The following LRRTM4 variants were observed in gnomAD, a reference collection of about 807,000 sequenced individuals.
LRRTM4 encodes the protein leucine rich repeat transmembrane neuronal 4.
LRRTM4 carries 25 observed loss-of-function variants against 47.6 expected under a neutral mutation model. That is an observed-to-expected ratio of 0.53 (90% confidence interval 0.38 to 0.73). LRRTM4 has a LOEUF of 0.73. Ranked by LOEUF, LRRTM4 falls within the 30% of genes least tolerant of loss-of-function variation. The pLI is 0.00. For missense variants in LRRTM4, 638 were observed against 713.4 expected, an observed-to-expected ratio of 0.89 and a Z score of 1.20; for synonymous variants, 311 against 269.5, an observed-to-expected ratio of 1.15 and a Z score of -1.51.
At chr2:76,924,936 GCA>G (rs1674542196) in intron 3 of LRRTM4, among the ~76,000 whole-genome samples, 1 of 152,006 alleles carries the variant, frequency 6.6e-6, no homozygotes, top group Non-Finnish European at 1.5e-5. Context: ...TCTGACTTAA[GCA>G]CAGTTCCAGG....
At chr2:76,968,464 A>G (rs1024156419) in intron 3 of LRRTM4, among the ~76,000 whole-genome samples, 1 of 148,258 alleles carries the variant, frequency 6.7e-6, no homozygotes, top group Non-Finnish European at 1.5e-5. Flanking sequence ...TGCTGCCTCT[A>G]TATCTATGTA....
At chr2:77,254,385 A>G (rs6749809) in intron 3 of LRRTM4, among the ~76,000 whole-genome samples, 19,520 of 151,950 alleles carry the variant, frequency 0.13, 4,196 homozygotes, top group African/African-American at 0.44. Context: ...AAAACAAAAC[A>G]AAACAAAAGT....
At chr2:77,186,841 A>C (rs1673518488) in intron 3 of LRRTM4, among the ~76,000 whole-genome samples, 1 of 152,174 alleles carries the variant, frequency 6.6e-6, no homozygotes, top group South Asian at 2.1e-4. Context: ...GAATCTTCAG[A>C]CCAAACCCCA....
rs186570734 is a variant in LRRTM4, at chr2:76,885,378, A to T, written c.1552-136462T>A. 4.6e-5 allele frequency among the ~76,000 whole-genome samples: 7 copies of T among 151,874 alleles called. No individual in the cohort carries two copies. In the East Asian group the frequency reaches 9.7e-4, roughly 21 times the overall value. On this transcript the variant is annotated intron_variant, in intron 3 of 3. Coordinates refer to ENST00000409884, the MANE Select transcript of LRRTM4 (RefSeq NM_001134745.3). ...TTGCCTGCTAGCATGTGCTCAATAT[A>T]TGATAACTGAATGATCAACAACCAA...
chr2:76,951,992 T>G (rs1675514656), intron 3 of LRRTM4, among the ~76,000 whole-genome samples: 1 of 151,992 alleles, frequency 6.6e-6, no homozygotes, highest in South Asian at 2.1e-4. Flanking sequence ...TATTCCGTGG[T>G]GTATATGTGC....
intron 3 of LRRTM4, among the ~76,000 whole-genome samples, chr2:76,795,881 T>C (rs1291691201): frequency 1.3e-5 from 2 of 151,858 alleles, no homozygotes. Context: ...AGACGGGTGA[T>C]TTCTGCATTT....
chr2:77,443,187 G>A (rs368336452), intron 3 of LRRTM4, among the ~76,000 whole-genome samples: 3 of 152,212 alleles, frequency 2.0e-5, no homozygotes, highest in East Asian at 1.9e-4. Context: ...TCCAGCCGAC[G>A]TTTGCAGCTG....
rs556624948 is a variant in LRRTM4 at position 77,106,454 on chromosome 2, A to G, written c.1552-357538T>C. Among the ~76,000 whole-genome samples, 30 of 152,288 alleles carry G rather than the reference A, an allele frequency of 2.0e-4. 1 individual carries two copies. The East Asian group carries it at 5.8e-3, about 29-fold the overall frequency. On this transcript the variant is annotated intron_variant, in intron 3 of 3. Transcript: ENST00000409884. ...AAATTTTACCTTCTCTGCTGTAAGC[A>G]TTACCTCTGCACTTACTTTTTATCC...
chr2:76,924,526 T>C (rs1234980897), intron 3 of LRRTM4, among the ~76,000 whole-genome samples: 1 of 151,990 alleles, frequency 6.6e-6, no homozygotes, highest in African/African-American at 2.4e-5. Context: ...TTCCACTGTA[T>C]GGCAACATTC....
chr2:77,073,459 TTTTCC>T (rs1206558960), intron 3 of LRRTM4, among the ~76,000 whole-genome samples: 2 of 152,020 alleles, frequency 1.3e-5, no homozygotes, highest in Non-Finnish European at 2.9e-5. Context: ...AGTACAGACA[TTTTCC>T]TTTCCATTAT....
chr2:77,428,985 C>T (rs1001263180), intron 3 of LRRTM4, among the ~76,000 whole-genome samples: 1 of 152,160 alleles, frequency 6.6e-6, no homozygotes, highest in Non-Finnish European at 1.5e-5. Flanking sequence ...TAATCCTTTA[C>T]TGGGTAGGAA....
intron 3 of LRRTM4, among the ~76,000 whole-genome samples, chr2:77,491,945 C>T (rs1334203116): frequency 1.3e-5 from 2 of 151,396 alleles, no homozygotes; most frequent in African/African-American, 4.8e-5. Context: ...TATGCAAAAA[C>T]GTAGAACAAA....
At chr2:77,185,152 A>C (rs1042738921) in intron 3 of LRRTM4, among the ~76,000 whole-genome samples, 3 of 152,126 alleles carry the variant, frequency 2.0e-5, no homozygotes, top group Non-Finnish European at 4.4e-5. Context: ...TAATCTTTGG[A>C]GAAGAAACTA....
At chr2:77,282,717 A>T (rs911235299) in intron 3 of LRRTM4, among the ~76,000 whole-genome samples, 3 of 151,988 alleles carry the variant, frequency 2.0e-5, no homozygotes, top group Admixed American at 6.6e-5. Context: ...AATTTTTTAC[A>T]AAGTCAACAA....
chr2:77,407,727 A>ATATTATATAAT (rs1242973284), intron 3 of LRRTM4, among the ~76,000 whole-genome samples: 2 of 141,446 alleles, frequency 1.4e-5, no homozygotes, highest in African/African-American at 5.2e-5. Context: ...ATTATATTAT[A>ATATTATATAAT]TATTATATAT....
rs1228412166 is a variant in LRRTM4, at chr2:77,494,769, G to A, written c.1551+23549C>T. On this transcript the variant is annotated intron_variant, in intron 3 of 3. Transcript: ENST00000409884. ...TCGAGAATGTTTTCACCACTCACAA[G>A]TTTCGTTGTTCCCCTCTTCAGTCCT... Among the ~76,000 whole-genome samples, 4 of 152,150 alleles carry A rather than the reference G, an allele frequency of 2.6e-5. No homozygotes were observed. The South Asian group carries it at 8.3e-4, about 32-fold the overall frequency.
chr2:77,280,164 G>A (rs749078700), intron 3 of LRRTM4, among the ~76,000 whole-genome samples: 2 of 152,092 alleles, frequency 1.3e-5, no homozygotes, highest in African/African-American at 2.4e-5. Flanking sequence ...TGGAAGAAAA[G>A]CAGAGAGAAA....
rs750604219 is a variant in LRRTM4, at chr2:76,942,674, A to ATGTGTGTGTGTGTGTGTGTG, written c.1552-193759_1552-193758insCACACACACACACACACACA. Among the ~76,000 whole-genome samples, 914 of 123,314 alleles carry ATGTGTGTGTGTGTGTGTGTG rather than the reference A, an allele frequency of 7.4e-3. 17 individuals carry two copies. The highest frequency in any genetic ancestry group is 0.025 in the African/African-American group (781 of 31,314). The allele number at this position is 123,314 out of a possible 152,430, so 80.9% of individuals were successfully genotyped here. ...TTGGTCAAGTAACCAACCTCTAGGA[A>ATGTGTGTGTGTGTGTGTGTG]TCTGTGTGTGTGTGTGTGTGTGTGT... On this transcript the variant is annotated intron_variant, in intron 3 of 3. Coordinates refer to ENST00000409884, the MANE Select transcript of LRRTM4 (RefSeq NM_001134745.3).
intron 3 of LRRTM4, among the ~76,000 whole-genome samples, chr2:76,835,585 T>C (rs537408419): frequency 1.3e-5 from 2 of 152,198 alleles, no homozygotes; most frequent in East Asian, 3.9e-4. Context: ...GCTCTGATCA[T>C]AAGTAAAACC....
Sources: allele counts gnomAD v4.1 joint callset (sites outside exome capture counted in the v4.1 genomes callset), GRCh38; gene constraint gnomAD v4.1.1; transcripts MANE v1.5; gene names NCBI Gene and HGNC (gene_info 2026-07-23, HGNC 2026-07-21).